PARG: variants seen among roughly 807,000 people sequenced by gnomAD.
PARG encodes the protein mitochondrial poly(ADP-ribose) glycohydrolase.
In PARG, 35 loss-of-function variants were observed where a neutral mutation model predicts 113.0. The ratio of observed to expected loss-of-function variants is 0.31; its 90% CI spans 0.24 to 0.41. The LOEUF (loss-of-function observed/expected upper bound fraction) is 0.41, where lower values mean the gene tolerates loss of function less well. Ranked by LOEUF, PARG falls within the 10% of genes least tolerant of loss-of-function variation. The probability of loss-of-function intolerance (pLI) is 1.00; values close to 1 mark genes in which losing one functional copy is unlikely to be tolerated. For missense variants in PARG, 797 were observed against 1,169.4 expected (o/e 0.68, Z 4.64); for synonymous variants, 330 against 409.9 (o/e 0.81, Z 2.36).
chr10:49,857,475 T>C (rs1554835276), intron 12 of PARG, 22 bp from the exon 13 acceptor site: 1 of 1,606,728 alleles, frequency 6.2e-7, no homozygotes, highest in Admixed American at 1.7e-5. Flanking sequence ...ATGTGACATA[T>C]TAAATAATGG....
At chr10:49,900,313 C>T (rs190542537) in intron 7 of PARG, among the ~76,000 whole-genome samples, 645 of 151,950 alleles carry the variant, frequency 4.2e-3, no homozygotes, top group East Asian at 0.016. Context: ...GAAAACAAGC[C>T]ATCAGAGGTT....
intron 16 of PARG, among the ~76,000 whole-genome samples, chr10:49,828,073 G>A (rs557105762): frequency 2.1e-5 from 2 of 93,614 alleles, no homozygotes; most frequent in African/African-American, 8.0e-5. Context: ...CTGCTGAGAC[G>A]AGATGTAGAA....
intron 17 of PARG, 92 bp downstream of exon 17, chr10:49,820,073 C>G (rs1400230737): frequency 1.2e-6 from 1 of 850,764 alleles, no homozygotes; most frequent in African/African-American, 1.7e-5. Flanking sequence ...TTTCTTCGTA[C>G]CCACTGTGAT....
Position 49,883,574 on chromosome 10 carries a change from G to A in PARG, c.1830+1629C>T, listed in dbSNP as rs535645149. On this transcript the variant is annotated intron_variant, in intron 8 of 17. Coordinates refer to ENST00000616448, the MANE Select transcript of PARG (RefSeq NM_003631.5). ...AGCACCATGGGAGGCAAAGGCGGGC[G>A]GATCACATGAGGTCAGGAGTTCGAG... Among the ~76,000 whole-genome samples the A allele has an allele frequency of 3.5e-4, 52 of 147,894 alleles. 1 individual carries two copies. Among genetic ancestry groups the A allele is most frequent in the African/African-American group, 9.7e-4 (39 of 40,296 alleles).
chr10:49,932,667 G>A (rs1307125644), intron 3 of PARG, among the ~76,000 whole-genome samples: 1 of 152,078 alleles, frequency 6.6e-6, no homozygotes, highest in African/African-American at 2.4e-5. Flanking sequence ...TGGGGTAACG[G>A]CAAAATATAA....
chr10:49,825,946 T>C (rs1844336559), intron 16 of PARG, among the ~76,000 whole-genome samples: 1 of 152,218 alleles, frequency 6.6e-6, no homozygotes, highest in Non-Finnish European at 1.5e-5. Flanking sequence ...AGATTGGTTT[T>C]GGATTTCATT....
In PARG at chr10:49,920,491, TATATATACAC is replaced by T. The variant is rs1299736854; in HGVS notation, c.1662+1835_1662+1844del. On this transcript the variant is annotated intron_variant, in intron 6 of 17. Transcript: ENST00000616448. ...ATATATATATATATATATATATATA[TATATATACAC>T]ACACACACACATATATATGTATATA... Among the ~76,000 whole-genome samples the T allele has an allele frequency of 5.8e-4, 58 of 99,404 alleles. 1 individual carries two copies. The highest frequency in any genetic ancestry group is 1.6e-3 in the African/African-American group (42 of 26,286). The allele number at this position is 99,404 out of a possible 152,430, so 65.2% of individuals were successfully genotyped here. A position where few individuals can be genotyped will look rare whatever the true frequency, so the allele number is the denominator to read the frequency against.
intron 7 of PARG, among the ~76,000 whole-genome samples, chr10:49,912,136 C>T (rs1279330542): frequency 2.6e-5 from 4 of 150,970 alleles, no homozygotes; most frequent in Non-Finnish European, 5.9e-5. Flanking sequence ...CCTGTCTCTA[C>T]CAAAAATCCA....
At chr10:49,842,479 A>C (rs1400112961) in intron 14 of PARG, among the ~76,000 whole-genome samples, 1 of 152,188 alleles carries the variant, frequency 6.6e-6, no homozygotes, top group Non-Finnish European at 1.5e-5. Context: ...TGGGGTTGTA[A>C]CATCACTATA....
intron 2 of PARG, among the ~76,000 whole-genome samples, chr10:49,934,612 G>GT (rs1838657301): frequency 6.6e-6 from 1 of 152,158 alleles, no homozygotes; most frequent in Non-Finnish European, 1.5e-5. Context: ...CACTTTGGGA[G>GT]GTCGAGGCAG....
intron 13 of PARG, among the ~76,000 whole-genome samples, chr10:49,848,203 T>G (rs2664638): frequency 0.4 from 47,129 of 116,848 alleles, 10,111 homozygotes; most frequent in African/African-American, 0.5. Flanking sequence ...ACAAAAATTA[T>G]CTGGGCGTGG....
intron 7 of PARG, among the ~76,000 whole-genome samples, chr10:49,899,355 C>T (rs1174586388): frequency 1.3e-5 from 2 of 152,170 alleles, no homozygotes; most frequent in Non-Finnish European, 2.9e-5. Context: ...AAATTTCTAA[C>T]ATTTATCTGT....
At chr10:49,844,491 C>T (rs1262562944) in intron 13 of PARG, among the ~76,000 whole-genome samples, 1 of 151,070 alleles carries the variant, frequency 6.6e-6, no homozygotes, top group South Asian at 2.1e-4. Context: ...GGCATTGTGG[C>T]GTGTGCCTGT....
At chr10:49,926,144 T>C (rs1838153528) in intron 4 of PARG, among the ~76,000 whole-genome samples, 1 of 152,208 alleles carries the variant, frequency 6.6e-6, no homozygotes, top group Non-Finnish European at 1.5e-5. Context: ...AGGAAAGGAA[T>C]GTGAGCTGGT....
intron 9 of PARG, among the ~76,000 whole-genome samples, chr10:49,877,209 T>C (rs1323700723): frequency 6.9e-6 from 1 of 144,764 alleles, no homozygotes; most frequent in African/African-American, 2.4e-5. Context: ...AATGTCTAGT[T>C]TTTAAGTTTA....
chr10:49,913,939 A>G (rs760109001), intron 7 of PARG, among the ~76,000 whole-genome samples: 6 of 152,124 alleles, frequency 3.9e-5, no homozygotes, highest in Non-Finnish European at 8.8e-5. Context: ...GAAGGTCGAA[A>G]ACGCAAGGAC....
intron 16 of PARG, among the ~76,000 whole-genome samples, chr10:49,830,091 C>A (rs1174628514): frequency 3.3e-5 from 5 of 152,234 alleles, no homozygotes; most frequent in African/African-American, 1.2e-4. Flanking sequence ...AAATCTTAGA[C>A]TACTATGCTT....
chr10:49,927,694 GCA>G, intron 4 of PARG, among the ~76,000 whole-genome samples: 1 of 152,070 alleles, frequency 6.6e-6, no homozygotes, highest in Admixed American at 6.5e-5. Context: ...ATGTGGCCAG[GCA>G]CAGTTGCTCA....
chr10:49,887,302 C>T (rs1321302586), intron 7 of PARG, among the ~76,000 whole-genome samples: 1 of 152,172 alleles, frequency 6.6e-6, no homozygotes, highest in African/African-American at 2.4e-5. Context: ...TTACATTTCA[C>T]ATTACTATAA....
Sources: gnomAD v4.1 joint callset for allele counts (sites outside exome capture counted in the v4.1 genomes callset) on GRCh38, gnomAD v4.1.1 for gene constraint, MANE v1.5 for transcripts, NCBI Gene and HGNC (gene_info 2026-07-23, HGNC 2026-07-21) for gene names.